Variants in TENM4 observed in about 807,000 individuals in gnomAD.
TENM4 encodes teneurin-4.
TENM4 carries 82 observed loss-of-function variants against 243.3 expected under a neutral mutation model. The ratio of observed to expected loss-of-function variants is 0.34; its 90% CI spans 0.28 to 0.40. The LOEUF (loss-of-function observed/expected upper bound fraction) is 0.40, where lower values mean the gene tolerates loss of function less well. Ranked by LOEUF, TENM4 falls within the 10% of genes least tolerant of loss-of-function variation. The pLI, the probability that TENM4 is intolerant of heterozygous loss-of-function variation, is 1.00. For synonymous variants in TENM4, 1,412 were observed against 1,456.3 expected (o/e 0.97, Z 0.69); for missense variants, 3,138 against 3,673.3 (o/e 0.85, Z 3.77).
At position 79,080,016 on chromosome 11, in the gene TENM4, T is replaced by A. The variant is rs528000036; in HGVS notation, c.-65-10007A>T. ...GGGCTGAAACCTGCCTCCTTTTAGCTTCCTTCCACAGGCCTCAGCTCTACT... is the reference window on the plus strand; with the variant it reads ...GGGCTGAAACCTGCCTCCTTTTAGCATCCTTCCACAGGCCTCAGCTCTACT... On this transcript the variant is annotated intron_variant, in intron 4 of 33. Coordinates refer to ENST00000278550, the MANE Select transcript of TENM4 (RefSeq NM_001098816.3). Among the ~76,000 whole-genome samples, 447 of 152,208 alleles carry A rather than the reference T, an allele frequency of 2.9e-3. 4 individuals are homozygous for A. Among genetic ancestry groups the A allele is most frequent in the Middle Eastern group, 0.01 (3 of 294 alleles).
chr11:79,246,733 ATATACT>A (rs1855523008), intron 2 of TENM4, among the ~76,000 whole-genome samples: 1 of 152,140 alleles, frequency 6.6e-6, no homozygotes, highest in Non-Finnish European at 1.5e-5. Flanking sequence ...GTCTGGATAC[ATATACT>A]TAGATGCCAA....
intron 6 of TENM4, among the ~76,000 whole-genome samples, chr11:78,940,736 G>A (rs1462202405): frequency 4.0e-5 from 6 of 150,846 alleles, no homozygotes; most frequent in Non-Finnish European, 8.9e-5. Context: ...GATATGCTTG[G>A]GCAGGTCACC....
chr11:78,740,017 C>G (rs714365), intron 19 of TENM4, among the ~76,000 whole-genome samples: 1 of 152,164 alleles, frequency 6.6e-6, no homozygotes, highest in East Asian at 1.9e-4. Context: ...CTCAAGGATC[C>G]GCACATTGGG....
chr11:79,064,155 A>T (rs190809426), intron 6 of TENM4, among the ~76,000 whole-genome samples: 3,880 of 152,122 alleles, frequency 0.026, 47 homozygotes, highest in Non-Finnish European at 0.034. Flanking sequence ...ATGTATTATT[A>T]TTAACTATAG....
chr11:78,711,969 G>A (rs1447834618), intron 26 of TENM4, among the ~76,000 whole-genome samples: 2 of 152,278 alleles, frequency 1.3e-5, no homozygotes, highest in Non-Finnish European at 2.9e-5. Context: ...GGCATTTAGA[G>A]GTTCAACTTT....
In TENM4 at chr11:79,224,824, G is replaced by A. The variant is rs573129909; in HGVS notation, c.-264-8915C>T. On this transcript the variant is annotated intron_variant, in intron 2 of 33. Coordinates refer to ENST00000278550, the MANE Select transcript of TENM4 (RefSeq NM_001098816.3). Reference sequence around the variant, plus strand: ...AAATTAGTCCGGCATGGTGGCGCATGCCTGTAATCTCAGCTACTCGGGAGG... The same window carrying A: ...AAATTAGTCCGGCATGGTGGCGCATACCTGTAATCTCAGCTACTCGGGAGG... Among the ~76,000 whole-genome samples the A allele has an allele frequency of 8.5e-5, 13 of 152,274 alleles. 1 individual carries two copies. In the East Asian group the frequency reaches 2.5e-3, roughly 29 times the overall value.
intron 6 of TENM4, among the ~76,000 whole-genome samples, chr11:78,976,056 A>T (rs1857647772): frequency 6.6e-6 from 1 of 152,204 alleles, no homozygotes; most frequent in Non-Finnish European, 1.5e-5. Flanking sequence ...GACTAAAATA[A>T]CCTTAATAAA....
At chr11:78,770,926 C>T in intron 18 of TENM4, 66 bp downstream of exon 18, 2 of 1,538,080 alleles carry the variant, frequency 1.3e-6, no homozygotes, top group South Asian at 2.4e-5. Flanking sequence ...TCAGTAATAT[C>T]CATTCTCCAC....
At chr11:78,978,104 A>G (rs1388845624) in intron 6 of TENM4, among the ~76,000 whole-genome samples, 2 of 152,084 alleles carry the variant, frequency 1.3e-5, no homozygotes, top group Non-Finnish European at 2.9e-5. Flanking sequence ...TAACACAGGA[A>G]CAGAAAACCA....
chr11:79,319,452 T>C (rs1426758278), intron 1 of TENM4, among the ~76,000 whole-genome samples: 2 of 152,096 alleles, frequency 1.3e-5, no homozygotes, highest in Non-Finnish European at 2.9e-5. Flanking sequence ...CCTTTTTTTG[T>C]TTAATAATAA....
At position 78,919,649 on chromosome 11, in the gene TENM4, C is replaced by A. The variant is rs1359772930; in HGVS notation, c.494-16126G>T. On this transcript the variant is annotated intron_variant, in intron 6 of 33. Coordinates refer to ENST00000278550, the MANE Select transcript of TENM4 (RefSeq NM_001098816.3). ...AGAATAAGGCCAAAACAAAGGGAAA[C>A]AGGGTCAGGAGGGATTCATTAAGAC... 3.3e-5 allele frequency among the ~76,000 whole-genome samples: 5 copies of A among 152,136 alleles called. No individual in the cohort carries two copies. The South Asian group carries it at 1.0e-3, about 32-fold the overall frequency.
intron 4 of TENM4, among the ~76,000 whole-genome samples, chr11:79,087,052 G>A (rs1378765693): frequency 6.6e-6 from 1 of 151,982 alleles, no homozygotes; most frequent in Non-Finnish European, 1.5e-5. Context: ...TGTCTCTCTT[G>A]TTCGGCATAA....
At chr11:79,390,863 T>A (rs515175) in intron 1 of TENM4, among the ~76,000 whole-genome samples, 77,218 of 152,106 alleles carry the variant, frequency 0.51, 19,710 homozygotes, top group Non-Finnish European at 0.55. Flanking sequence ...TTTATATAGT[T>A]ATTTAGAGGC....
chr11:78,721,419 A>T lies in TENM4; in HGVS notation c.3801-1029T>A, dbSNP rs148911993. Reference sequence around the variant, plus strand: ...CCTTCCTTTCACGCGTGCGCCTTAGAGTGAGATTCTTGCAGTAGGATCTTA... The same window carrying T: ...CCTTCCTTTCACGCGTGCGCCTTAGTGTGAGATTCTTGCAGTAGGATCTTA... On this transcript the variant is annotated intron_variant, in intron 24 of 33. Coordinates refer to ENST00000278550, the MANE Select transcript of TENM4 (RefSeq NM_001098816.3). Among the ~76,000 whole-genome samples the T allele has an allele frequency of 6.0e-3, 906 of 152,256 alleles. 14 individuals are homozygous for T. The highest frequency in any genetic ancestry group is 0.021 in the African/African-American group (865 of 41,534).
chr11:78,968,277 C>G (rs1857476341), intron 6 of TENM4, among the ~76,000 whole-genome samples: 1 of 152,164 alleles, frequency 6.6e-6, no homozygotes, highest in Admixed American at 6.5e-5. Context: ...GCACCATGAG[C>G]CAAATAAACC....
intron 6 of TENM4, among the ~76,000 whole-genome samples, chr11:79,022,831 G>C (rs1473377539): frequency 6.6e-6 from 1 of 152,086 alleles, no homozygotes; most frequent in Non-Finnish European, 1.5e-5. Flanking sequence ...TGATGATGAT[G>C]GTAGCAGCAA....
intron 1 of TENM4, among the ~76,000 whole-genome samples, chr11:79,353,864 C>G (rs1191551137): frequency 1.3e-5 from 2 of 152,114 alleles, no homozygotes; most frequent in Non-Finnish European, 2.9e-5. Flanking sequence ...TGGTACACAG[C>G]CACGTCCATT....
chr11:78,824,234 T>C (rs1405692668), intron 12 of TENM4, among the ~76,000 whole-genome samples: 1 of 152,170 alleles, frequency 6.6e-6, no homozygotes, highest in African/African-American at 2.4e-5. Flanking sequence ...CTGCAGGCTG[T>C]ACAGGAAGCA....
rs1591259508 is a variant in TENM4 at position 79,069,991 on chromosome 11, G to A, written c.-47C>T. 4 of 1,530,452 alleles carry A rather than the reference G, an allele frequency of 2.6e-6. No individual in the cohort carries two copies. The highest frequency in any genetic ancestry group is 2.5e-5 in the East Asian group (1 of 40,760). 94.8% of individuals were successfully genotyped at this position (1,530,452 alleles called of 1,614,324 possible). ...CACATCCACAAACAGGGTCCTCGCC[G>A]CACTCAGGGCCGAGTGGTCTAGAGC... is the stretch of plus-strand genomic sequence containing the variant. On this transcript the variant is annotated 5_prime_UTR_variant, in exon 5 of 34. Transcript: ENST00000278550.
Sources: gnomAD v4.1 joint callset for allele counts (sites outside exome capture counted in the v4.1 genomes callset) on GRCh38, gnomAD v4.1.1 for gene constraint, MANE v1.5 for transcripts, NCBI Gene and HGNC (gene_info 2026-07-23, HGNC 2026-07-21) for gene names.